ANK2: variants seen among roughly 807,000 people sequenced by gnomAD.
The protein encoded by ANK2 is ankyrin 2, also known as ankyrin-2.
ANK2 carries 83 observed loss-of-function variants against 360.5 expected under a neutral mutation model. The observed-to-expected ratio is 0.23, with a 90% CI of 0.19 to 0.28. The LOEUF is 0.28. Among genes scored for constraint, ANK2 ranks in the 10% least tolerant of loss-of-function variants. The pLI is 1.00. For synonymous variants in ANK2, 1,740 were observed against 1,759.5 expected, an observed-to-expected ratio of 0.99 and a Z score of 0.28; for missense variants, 4,201 against 4,795.7, an observed-to-expected ratio of 0.88 and a Z score of 3.66.
chr4:113,332,911 C>G, intron 28 of ANK2, 143 bp from the exon 29 acceptor site: 1 of 1,167,676 alleles, frequency 8.6e-7, no homozygotes, highest in Non-Finnish European at 1.3e-6. Flanking sequence ...CATCTGCTAG[C>G]CAGTGGGCTC....
chr4:113,015,259 A>AT (rs1445454586), intron 2 of ANK2, among the ~76,000 whole-genome samples: 1 of 152,218 alleles, frequency 6.6e-6, no homozygotes, highest in African/African-American at 2.4e-5. Flanking sequence ...CTAATCTTTC[A>AT]TAAGTCTTCA....
intron 8 of ANK2, 105 bp downstream of exon 8, chr4:113,240,688 T>A: frequency 4.0e-6 from 4 of 1,003,430 alleles, no homozygotes; most frequent in Non-Finnish European, 6.1e-6. Context: ...TTCTTTTTCC[T>A]TACCTGGGTC....
At chr4:112,711,535 G>GTTGA in the ANK2 span, among the ~76,000 whole-genome samples, 1 of 151,868 alleles carries the variant, frequency 6.6e-6, no homozygotes, top group Non-Finnish European at 1.5e-5. Flanking sequence ...AAACACAACA[G>GTTGA]GCCGGGCATG....
rs189589209 is a variant in ANK2, at chr4:113,368,079, T to C, written c.11318+228T>C. On this transcript the variant is annotated intron_variant, in intron 42 of 45. Coordinates refer to ENST00000357077, the MANE Select transcript of ANK2 (RefSeq NM_001148.6). ...GAACCAACTTCCAGAGCTGTGACTT[T>C]GAACAAGTCCTTATGTGCTTTGAAT... Among the ~76,000 whole-genome samples the C allele has an allele frequency of 2.6e-5, 4 of 152,352 alleles. No individual in the cohort carries two copies. The East Asian group carries it at 5.8e-4, about 22-fold the overall frequency.
intron 1 of ANK2, among the ~76,000 whole-genome samples, chr4:112,879,203 C>CT (rs2076056861): frequency 6.6e-6 from 1 of 152,132 alleles, no homozygotes. Flanking sequence ...GTGAGTCCCC[C>CT]CACCAACATT....
chr4:112,732,178 C>T, the ANK2 span, among the ~76,000 whole-genome samples: 1 of 151,936 alleles, frequency 6.6e-6, no homozygotes. Context: ...ATTTTACTCT[C>T]ACAATGACTA....
intron 1 of ANK2, among the ~76,000 whole-genome samples, chr4:113,160,859 C>T (rs868137504): frequency 2.0e-5 from 3 of 152,066 alleles, no homozygotes; most frequent in Non-Finnish European, 2.9e-5. Context: ...TGTTGGGGAC[C>T]CCGGAATAAA....
At position 112,994,667 on chromosome 4, in the gene ANK2, G is replaced by C. The variant is rs543202669; in HGVS notation, c.21+90153G>C. On this transcript the variant is annotated intron_variant, in intron 2 of 30. Transcript: ENST00000503271. ...TGCAATCTTGTTACATGGGTGTATT[G>C]CGTGATGCTGAGGTTTGGGGCATGA... 5.9e-5 allele frequency among the ~76,000 whole-genome samples: 9 copies of C among 152,230 alleles called. No individual in the cohort carries two copies. The South Asian group carries it at 1.9e-3, about 32-fold the overall frequency.
upstream of ANK2, among the ~76,000 whole-genome samples, chr4:112,815,147 C>T (rs2149482141): frequency 6.6e-6 from 1 of 152,190 alleles, no homozygotes; most frequent in Middle Eastern, 3.4e-3. Context: ...TCCCAAAGTG[C>T]TGAGATTACA....
intron 37 of ANK2, 48 bp from the exon 38 acceptor site, chr4:113,352,997 C>G (rs775960380): frequency 6.3e-7 from 1 of 1,596,188 alleles, no homozygotes; most frequent in South Asian, 1.1e-5. Context: ...TTGCCAATAT[C>G]TTTTTTGATT....
chr4:112,799,021 G>A, the ANK2 span, among the ~76,000 whole-genome samples: 1 of 152,112 alleles, frequency 6.6e-6, no homozygotes, highest in African/African-American at 2.4e-5. Context: ...CTTTCTGTCT[G>A]TATGAGTTTG....
At chr4:113,372,908 A>G (rs558054839) in intron 43 of ANK2, among the ~76,000 whole-genome samples, 182 bp from the exon 44 acceptor site, 1 of 152,266 alleles carries the variant, frequency 6.6e-6, no homozygotes, top group African/African-American at 2.4e-5. Flanking sequence ...CTTTGGTCAG[A>G]TTCTCCTAAG....
chr4:113,147,773 T>G (rs2096889861), intron 1 of ANK2, among the ~76,000 whole-genome samples: 1 of 152,234 alleles, frequency 6.6e-6, no homozygotes, highest in Non-Finnish European at 1.5e-5. Flanking sequence ...TGAGCTTGGC[T>G]TTTACGTAAA....
chr4:113,261,429 A>C (rs1027858713), intron 13 of ANK2, among the ~76,000 whole-genome samples: 1 of 152,204 alleles, frequency 6.6e-6, no homozygotes, highest in Non-Finnish European at 1.5e-5. Context: ...ATTATGCTTA[A>C]AAATTTCCCC....
chr4:113,057,107 A>G (rs1033379569), intron 1 of ANK2, among the ~76,000 whole-genome samples: 5 of 152,202 alleles, frequency 3.3e-5, no homozygotes, highest in African/African-American at 1.2e-4. Context: ...TGGCTAGGCT[A>G]AAAGCCAATG....
chr4:113,102,499 T>C (rs527845848), intron 1 of ANK2, among the ~76,000 whole-genome samples: 115 of 152,136 alleles, frequency 7.6e-4, no homozygotes, highest in African/African-American at 2.3e-3. Context: ...GTGGGGCGCA[T>C]GTATAGGCTA....
intron 39 of ANK2, among the ~76,000 whole-genome samples, chr4:113,361,580 C>A (rs542770897): frequency 1.4e-5 from 2 of 147,146 alleles, no homozygotes; most frequent in Admixed American, 6.8e-5. Context: ...TTCAAAGAGA[C>A]AAACATTGTA....
chr4:113,302,238 C>T (rs1456418547), intron 22 of ANK2, among the ~76,000 whole-genome samples: 1 of 152,166 alleles, frequency 6.6e-6, no homozygotes, highest in African/African-American at 2.4e-5. Context: ...AGCAACAAAC[C>T]AGAACTGTAG....
intron 1 of ANK2, among the ~76,000 whole-genome samples, chr4:113,126,729 A>G (rs536438579): frequency 2.6e-5 from 4 of 152,320 alleles, no homozygotes; most frequent in Admixed American, 6.5e-5. Flanking sequence ...CTACAAACAC[A>G]TTATCGAATA....
Sources: allele counts gnomAD v4.1 joint callset (sites outside exome capture counted in the v4.1 genomes callset), GRCh38; gene constraint gnomAD v4.1.1; transcripts MANE v1.5; gene names NCBI Gene and HGNC (gene_info 2026-07-23, HGNC 2026-07-21).